The following ATP2C1 variants were observed in gnomAD, a reference collection of about 807,000 sequenced individuals.
The protein encoded by ATP2C1 is calcium-transporting ATPase type 2C member 1.
ATP2C1 carries 31 observed loss-of-function variants against 120.5 expected under a neutral mutation model. The ratio of observed to expected loss-of-function variants is 0.26; its 90% CI spans 0.19 to 0.35. ATP2C1 has a LOEUF of 0.35. Ranked by LOEUF, ATP2C1 falls within the 10% of genes least tolerant of loss-of-function variation. The probability of loss-of-function intolerance (pLI) is 1.00; values close to 1 mark genes in which losing one functional copy is unlikely to be tolerated. For missense variants in ATP2C1, 731 were observed against 1,107.5 expected (o/e 0.66, Z 4.83); for synonymous variants, 351 against 358.7 (o/e 0.98, Z 0.24).
At chr3:130,853,926 G>T (rs1333391825) in intron 1 of ATP2C1, among the ~76,000 whole-genome samples, 1 of 152,188 alleles carries the variant, frequency 6.6e-6, no homozygotes, top group Non-Finnish European at 1.5e-5. Flanking sequence ...AGGCCTAGAA[G>T]TTCCCCATAC....
At chr3:130,872,131 G>A (rs1434011844) in intron 1 of ATP2C1, among the ~76,000 whole-genome samples, 1 of 151,914 alleles carries the variant, frequency 6.6e-6, no homozygotes, top group Non-Finnish European at 1.5e-5. Context: ...AAGTGATGTA[G>A]CAACTGAGAA....
intron 1 of ATP2C1, among the ~76,000 whole-genome samples, chr3:130,860,454 A>T (rs2067979838): frequency 6.6e-6 from 1 of 152,240 alleles, no homozygotes; most frequent in Non-Finnish European, 1.5e-5. Flanking sequence ...GCATTCAAGA[A>T]TAAAATATTT....
At position 130,967,424 on chromosome 3, in the gene ATP2C1, G is replaced by A. The variant is rs1451645877; in HGVS notation, c.1308+5G>A. ...TTAATTGCTCTTGCAATGAAGGTAC[G>A]TACCTAAATTTCTCTTCTTTGACAT... is the stretch of plus-strand genomic sequence containing the variant. On this transcript the variant is annotated splice_donor_5th_base_variant and intron_variant, in intron 16 of 27. Transcript: ENST00000510168. 6.2e-7 allele frequency: 1 copy of A among 1,611,668 alleles called. No homozygotes were observed. The highest frequency in any genetic ancestry group is 8.5e-7 in the Non-Finnish European group (1 of 1,178,028).
At chr3:131,010,370 ATT>A (rs1483640686) in intron 26 of ATP2C1, among the ~76,000 whole-genome samples, 1 of 151,022 alleles carries the variant, frequency 6.6e-6, no homozygotes, top group East Asian at 1.9e-4. Flanking sequence ...TTGTTTTTGT[ATT>A]TTTAGTAGAG....
intron 1 of ATP2C1, among the ~76,000 whole-genome samples, chr3:130,852,771 T>C (rs1326738405): frequency 6.6e-6 from 1 of 152,250 alleles, no homozygotes; most frequent in African/African-American, 2.4e-5. Context: ...TGCATATTTG[T>C]TGCCTCTAAT....
In ATP2C1 at chr3:130,979,249, T is replaced by C; in HGVS notation, c.1571T>C (p.Val524Ala). 1 of 1,613,612 alleles carries C rather than the reference T, an allele frequency of 6.2e-7. No homozygotes were observed. Among genetic ancestry groups the C allele is most frequent in the Admixed American group, 1.7e-5 (1 of 59,974 alleles). The part of the protein sequence containing the change: ...KARMGSAGLR[V>A]LALASGPELG... ...TGTTTGGATTTTATTATTTCCTAAG[T>C]TCTTGCTTTGGCTTCTGGTCCTGAA... is the stretch of plus-strand genomic sequence containing the variant. The change falls in exon 19 of 28, where the codon GTT becomes GCT. Residue 524 changes from valine to alanine, a missense_variant and splice_region_variant. Val to Ala is a moderately conservative substitution (Grantham distance 64, BLOSUM62 0). Transcript: ENST00000510168.
At chr3:130,852,389 G>C (rs1032714214) in intron 1 of ATP2C1, among the ~76,000 whole-genome samples, 1 of 151,964 alleles carries the variant, frequency 6.6e-6, no homozygotes, top group African/African-American at 2.4e-5. Context: ...TATATTGCTT[G>C]TGTAGTTCTA....
At chr3:130,921,977 T>C (rs1416983211) in intron 2 of ATP2C1, among the ~76,000 whole-genome samples, 1 of 152,228 alleles carries the variant, frequency 6.6e-6, no homozygotes, top group Non-Finnish European at 1.5e-5. Context: ...ACTGGCTTCA[T>C]AGAATGATTT....
Position 130,946,043 on chromosome 3 carries a change from T to C in ATP2C1, c.531+4344T>C, listed in dbSNP as rs537908693. On this transcript the variant is annotated intron_variant, in intron 8 of 27. Coordinates refer to ENST00000510168, the MANE Select transcript of ATP2C1 (RefSeq NM_001378687.1). ...ATAAGTCCATTGACACTTTGCTTTG[T>C]GGTTCATGTGCTTATAGTTGGCCCC... is the stretch of plus-strand genomic sequence containing the variant. 9.8e-5 allele frequency among the ~76,000 whole-genome samples: 15 copies of C among 152,320 alleles called. No homozygotes were observed. In the South Asian group the frequency reaches 2.3e-3, roughly 23 times the overall value.
chr3:130,954,961 T>C, intron 9 of ATP2C1, 51 bp from the exon 10 acceptor site: 1 of 1,306,740 alleles, frequency 7.7e-7, no homozygotes, highest in Non-Finnish European at 1.1e-6. Context: ...GTATGTGTTT[T>C]GGTTTACATT....
In ATP2C1 at chr3:130,947,725, G is replaced by A. The variant is rs1406508829; in HGVS notation, c.531+6026G>A. Among the ~76,000 whole-genome samples the A allele has an allele frequency of 3.9e-5, 6 of 152,060 alleles. No individual in the cohort carries two copies. In the South Asian group the frequency reaches 8.3e-4, roughly 21 times the overall value. On this transcript the variant is annotated intron_variant, in intron 8 of 27. Transcript: ENST00000510168. Reference sequence around the variant, plus strand: ...TTCTGTTGTTACTTGTTTTCTATTTGTGTTATCTTTTTATGTTCCTCAGTT... The same window carrying A: ...TTCTGTTGTTACTTGTTTTCTATTTATGTTATCTTTTTATGTTCCTCAGTT...
At chr3:130,971,136 T>A (rs1286604016) in intron 17 of ATP2C1, among the ~76,000 whole-genome samples, 1 of 152,172 alleles carries the variant, frequency 6.6e-6, no homozygotes, top group African/African-American at 2.4e-5. Flanking sequence ...TGCATATGAC[T>A]TTTTTTGATA....
Position 131,001,838 on chromosome 3 carries a change from TTTC to T in ATP2C1, c.*491_*493del. The T allele has an allele frequency of 1.0e-6, 1 of 986,122 alleles. No individual in the cohort carries two copies. 61.1% of individuals were successfully genotyped at this position (986,122 alleles called of 1,614,324 possible). A position where few individuals can be genotyped will look rare whatever the true frequency, so the allele number is the denominator to read the frequency against. On this transcript the variant is annotated 3_prime_UTR_variant, in exon 28 of 28. Transcript: ENST00000510168. ...CATATTTCAGCTACTGTATTTCCTT[TTTC>T]TTGTAATGTAAGCAGCTCAGATACC...
intron 4 of ATP2C1, among the ~76,000 whole-genome samples, chr3:130,934,134 A>T (rs530469981): frequency 6.6e-6 from 1 of 152,262 alleles, no homozygotes; most frequent in East Asian, 1.9e-4. Flanking sequence ...CTTGAGGAAA[A>T]TCTTCAGTTT....
At chr3:130,957,625 T>A (rs1428459845) in intron 11 of ATP2C1, among the ~76,000 whole-genome samples, 1 of 152,118 alleles carries the variant, frequency 6.6e-6, no homozygotes, top group African/African-American at 2.4e-5. Flanking sequence ...CGGCTGACTG[T>A]AACCTCCACC....
chr3:130,980,749 T>C, intron 20 of ATP2C1, 70 bp downstream of exon 20: 1 of 1,140,644 alleles, frequency 8.8e-7, no homozygotes, highest in Non-Finnish European at 1.3e-6. Context: ...ACTACTATCT[T>C]AATGAAACTG....
chr3:130,952,387 T>C (rs540064298), intron 8 of ATP2C1, among the ~76,000 whole-genome samples: 5 of 152,274 alleles, frequency 3.3e-5, no homozygotes, highest in African/African-American at 9.6e-5. Flanking sequence ...GAGATGAAGA[T>C]TCTGTGAACC....
chr3:130,956,179 G>T lies in ATP2C1; in HGVS notation c.832G>T (p.Gly278Ter). The T allele has an allele frequency of 6.3e-7, 1 of 1,575,342 alleles. No homozygotes were observed. Among genetic ancestry groups the T allele is most frequent in the South Asian group, 1.1e-5 (1 of 90,184 alleles). Residue 278 changes from glycine to a stop codon, truncating the protein, a stop_gained and splice_region_variant, in exon 11 of 28, where the codon GGA becomes TGA. Coordinates refer to ENST00000510168, the MANE Select transcript of ATP2C1 (RefSeq NM_001378687.1). LOFTEE classifies it high-confidence loss of function. The part of the protein sequence containing the change: ...QLSFYSFGII[G>*]IIMLVGWLLG... ...TTCCTTTTACTCCTTTGGTATAATA[G>T]GTAAGAGAAGAGTGAGTATGTATAT... is the stretch of plus-strand genomic sequence containing the variant.
chr3:130,888,676 C>T (rs1333291556), intron 1 of ATP2C1, among the ~76,000 whole-genome samples: 1 of 152,198 alleles, frequency 6.6e-6, no homozygotes, highest in Non-Finnish European at 1.5e-5. Flanking sequence ...TGCATATACT[C>T]TCTGTGTAGC....
Sources: gnomAD v4.1 joint callset for allele counts (sites outside exome capture counted in the v4.1 genomes callset) on GRCh38, gnomAD v4.1.1 for gene constraint, MANE v1.5 for transcripts, NCBI Gene and HGNC (gene_info 2026-07-23, HGNC 2026-07-21) for gene names.